TJP1: variants seen among roughly 807,000 people sequenced by gnomAD.
The protein encoded by TJP1 is tight junction protein ZO-1.
In TJP1, 43 loss-of-function variants were observed where a neutral mutation model predicts 194.2. That is an observed-to-expected ratio of 0.22 (90% confidence interval 0.17 to 0.29). The LOEUF is 0.29. TJP1 is among the 10% of genes least tolerant of loss of function. The pLI, the probability that TJP1 is intolerant of heterozygous loss-of-function variation, is 1.00. For synonymous variants in TJP1, 801 were observed against 779.0 expected (o/e 1.03, Z -0.47); for missense variants, 1,971 against 2,185.7 (o/e 0.90, Z 1.96).
chr15:29,784,885 A>G (rs1218580336), intron 2 of TJP1, among the ~76,000 whole-genome samples: 1 of 152,186 alleles, frequency 6.6e-6, no homozygotes, highest in African/African-American at 2.4e-5. Context: ...AAAACAGAGA[A>G]ATAAATGATA....
intron 9 of TJP1, among the ~76,000 whole-genome samples, chr15:29,741,697 A>G (rs2044432795): frequency 6.6e-6 from 1 of 152,210 alleles, no homozygotes; most frequent in South Asian, 2.1e-4. Flanking sequence ...CAAAAAATAG[A>G]TATGAGAAGA....
intron 2 of TJP1, among the ~76,000 whole-genome samples, chr15:29,917,525 T>C (rs542972857): frequency 6.6e-6 from 1 of 152,116 alleles, no homozygotes; most frequent in African/African-American, 2.4e-5. Context: ...ACAGAAGTAG[T>C]TATAGGATGA....
At chr15:29,728,097 A>G (rs886108342) in intron 15 of TJP1, 78 bp from the exon 16 acceptor site, 1 of 1,168,786 alleles carries the variant, frequency 8.6e-7, no homozygotes, top group African/African-American at 1.5e-5. Flanking sequence ...ACTGGCCACA[A>G]CTGATATGCC....
At chr15:29,823,265 G>C (rs1044640569), upstream of TJP1, 2 of 152,192 alleles carry the variant, frequency 1.3e-5, no homozygotes, top group African/African-American at 4.8e-5. Context: ...ACTCAAAGTT[G>C]GGCAGAAAAG....
intron 2 of TJP1, among the ~76,000 whole-genome samples, chr15:29,776,660 T>C (rs1031871966): frequency 7.2e-5 from 11 of 152,160 alleles, no homozygotes; most frequent in Non-Finnish European, 1.3e-4. Flanking sequence ...AATTTTACTA[T>C]AGCATGCCTT....
intron 23 of TJP1, among the ~76,000 whole-genome samples, chr15:29,712,890 T>C (rs1228802830): frequency 6.6e-6 from 1 of 151,246 alleles, no homozygotes; most frequent in Non-Finnish European, 1.5e-5. Flanking sequence ...AAGAGCTACA[T>C]TGAGCCCCTG....
chr15:29,762,310 T>A (rs766948917), intron 6 of TJP1, 25 bp downstream of exon 6: 1 of 1,575,566 alleles, frequency 6.3e-7, no homozygotes, highest in South Asian at 1.1e-5. Context: ...TTTCAGTTCA[T>A]TAAAAAGTAA....
upstream of TJP1, chr15:29,822,639 T>A: frequency 3.8e-6 from 1 of 264,382 alleles, no homozygotes; most frequent in Non-Finnish European, 5.9e-6. Context: ...GTAACCCAAG[T>A]AACTTGGAAG....
chr15:29,868,047 G>C (rs1332977668), intron 2 of TJP1, among the ~76,000 whole-genome samples: 2 of 103,264 alleles, frequency 1.9e-5, no homozygotes, highest in Non-Finnish European at 3.8e-5. Context: ...GATAGATTAA[G>C]ATTCTGTCTC....
At chr15:29,836,965 C>T (rs1335777839) in intron 2 of TJP1, among the ~76,000 whole-genome samples, 1 of 152,170 alleles carries the variant, frequency 6.6e-6, no homozygotes, top group African/African-American at 2.4e-5. Context: ...GCTTCCAAAA[C>T]AGTGAGAAAT....
chr15:29,951,236 C>T (rs949509472), intron 2 of TJP1, among the ~76,000 whole-genome samples: 2 of 151,712 alleles, frequency 1.3e-5, no homozygotes, highest in Non-Finnish European at 2.9e-5. Context: ...GGCATGATTT[C>T]GGCTCACTGC....
intron 2 of TJP1, among the ~76,000 whole-genome samples, chr15:29,871,684 T>G (rs2052529397): frequency 1.3e-5 from 2 of 152,238 alleles, no homozygotes; most frequent in South Asian, 4.1e-4. Context: ...ACAGCCCCAC[T>G]GGGCATTCCC....
chr15:29,795,598 A>G (rs1276494370), intron 2 of TJP1, among the ~76,000 whole-genome samples: 2 of 152,148 alleles, frequency 1.3e-5, no homozygotes, highest in South Asian at 2.1e-4. Flanking sequence ...ACAAATATTT[A>G]AGAAAAAAAT....
At chr15:29,866,786 C>T (rs1028521463) in intron 2 of TJP1, among the ~76,000 whole-genome samples, 1 of 152,162 alleles carries the variant, frequency 6.6e-6, no homozygotes, top group African/African-American at 2.4e-5. Context: ...TAAAAAATAA[C>T]GAGGCCGTCT....
intron 2 of TJP1, among the ~76,000 whole-genome samples, chr15:29,932,901 T>A (rs1345603268): frequency 6.6e-6 from 1 of 152,242 alleles, no homozygotes; most frequent in African/African-American, 2.4e-5. Context: ...TGAATAGTAT[T>A]AGAACTATTG....
rs531314443 is a variant in TJP1, at chr15:29,871,536, G to C, written c.307-70834C>G. 6.6e-5 allele frequency among the ~76,000 whole-genome samples: 10 copies of C among 152,362 alleles called. No individual in the cohort carries two copies. In the East Asian group the frequency reaches 1.9e-3, roughly 29 times the overall value. ...TGCTGCCACCTGCGCCTCTGGGAAA[G>C]CTTGCCGTGGGAGAGGCGCAACCGC... is the stretch of plus-strand genomic sequence containing the variant. On this transcript the variant is annotated intron_variant, in intron 2 of 28. Transcript: ENST00000356107.
At chr15:29,816,016 C>CT (rs571146146) in intron 1 of TJP1, among the ~76,000 whole-genome samples, 13,118 of 145,544 alleles carry the variant, frequency 0.09, 596 homozygotes, top group African/African-American at 0.11. Flanking sequence ...GGTGTCTTTC[C>CT]TTTTTTTTTT....
chr15:29,726,605 A>G (rs2043252834), intron 17 of TJP1, 126 bp from the exon 18 acceptor site: 4 of 1,170,548 alleles, frequency 3.4e-6, no homozygotes, highest in Non-Finnish European at 4.8e-6. Context: ...AACATTTGAA[A>G]TTTCTATTTT....
intron 2 of TJP1, among the ~76,000 whole-genome samples, chr15:29,858,715 T>C (rs1416601618): frequency 6.6e-6 from 1 of 151,924 alleles, no homozygotes; most frequent in Non-Finnish European, 1.5e-5. Flanking sequence ...CAGCTAGTTT[T>C]TGTATTTTTT....
Sources: allele counts gnomAD v4.1 joint callset (sites outside exome capture counted in the v4.1 genomes callset), GRCh38; gene constraint gnomAD v4.1.1; transcripts MANE v1.5; gene names NCBI Gene and HGNC (gene_info 2026-07-23, HGNC 2026-07-21).